PREP: variants seen among roughly 807,000 people sequenced by gnomAD.
PREP encodes dJ355L5.1 (prolyl endopeptidase).
PREP carries 29 observed loss-of-function variants against 87.6 expected under a neutral mutation model. The ratio of observed to expected loss-of-function variants is 0.33; its 90% CI spans 0.25 to 0.45. The LOEUF (loss-of-function observed/expected upper bound fraction) is 0.45. PREP is among the 20% of genes least tolerant of loss of function. The pLI is 1.00. For synonymous variants in PREP, 337 were observed against 328.6 expected (o/e 1.03, Z -0.28); for missense variants, 695 against 886.5 (o/e 0.78, Z 2.74).
chr6:105,374,634 AT>A (rs1772640041), intron 4 of PREP, among the ~76,000 whole-genome samples: 1 of 102 alleles, frequency 9.8e-3, no homozygotes, highest in Non-Finnish European at 0.031. Flanking sequence ...TGAATTGTTT[AT>A]ATATATATAT....
At chr6:105,331,369 T>C (rs1289670274) in intron 8 of PREP, among the ~76,000 whole-genome samples, 1 of 152,206 alleles carries the variant, frequency 6.6e-6, no homozygotes, top group South Asian at 2.1e-4. Flanking sequence ...TAAGATGGGA[T>C]GTCACCTTAA....
At chr6:105,301,879 A>G (rs570541770) in intron 10 of PREP, among the ~76,000 whole-genome samples, 1 of 152,286 alleles carries the variant, frequency 6.6e-6, no homozygotes, top group African/African-American at 2.4e-5. Flanking sequence ...GCCTTTTCCC[A>G]GTCTCAAACT....
intron 2 of PREP, 58 bp downstream of exon 2, chr6:105,397,795 T>G: frequency 1.5e-6 from 2 of 1,313,100 alleles, no homozygotes; most frequent in Non-Finnish European, 2.2e-6. Flanking sequence ...GTTACTGACA[T>G]TTAGAGTTTG....
chr6:105,402,567 T>C (rs929378146), intron 1 of PREP, among the ~76,000 whole-genome samples: 4 of 152,190 alleles, frequency 2.6e-5, no homozygotes, highest in African/African-American at 9.6e-5. Context: ...ACACCCATTC[T>C]ACCCGGGCGT....
In PREP at chr6:105,333,361, T is replaced by C. The variant is rs1300616530; in HGVS notation, c.968A>G (p.Glu323Gly). The change falls in exon 8 of 15, where the codon GAG becomes GGG. Residue 323 changes from glutamate (E) to glycine (G), a missense_variant. Physicochemically the swap from Glu to Gly is moderately conservative, Grantham distance 98. Coordinates refer to ENST00000652536, the MANE Select transcript of PREP (RefSeq NM_002726.5). ...AGGAACAAGTACTTTCCACTTAGAC[T>C]CTTCAGGATCCCTGAAGTCAATGTT... is the stretch of plus-strand genomic sequence containing the variant. ...VINIDFRDPE[E>G]SKWKVLVPEH... 1 of 1,614,158 alleles carries C rather than the reference T, an allele frequency of 6.2e-7. No individual in the cohort carries two copies.
chr6:105,335,002 A>G (rs1771443114), intron 7 of PREP, among the ~76,000 whole-genome samples: 1 of 152,230 alleles, frequency 6.6e-6, no homozygotes, highest in African/African-American at 2.4e-5. Flanking sequence ...TGAAACATAC[A>G]AAATAAAACT....
intron 9 of PREP, 52 bp downstream of exon 9, chr6:105,328,777 C>T: frequency 6.3e-7 from 1 of 1,583,818 alleles, no homozygotes; most frequent in South Asian, 1.1e-5. Flanking sequence ...CAAAGAAACC[C>T]AAACACCAGT....
At chr6:105,333,162 T>C in intron 8 of PREP, 152 bp downstream of exon 8, 2 of 678,192 alleles carry the variant, frequency 2.9e-6, no homozygotes, top group South Asian at 2.1e-5. Flanking sequence ...CAATGAAAAC[T>C]TGGATGAACT....
At position 105,402,970 on chromosome 6, in the gene PREP, G is replaced by T; in HGVS notation, c.-79C>A. ...CTGAGCTAGCCGGGCTGGCCGCGAG[G>T]CGCGGCTGGGGCGCAGGCAGCTGCG... On this transcript the variant is annotated 5_prime_UTR_variant, in exon 1 of 15. Coordinates refer to ENST00000652536, the MANE Select transcript of PREP (RefSeq NM_002726.5). The T allele has an allele frequency of 1.3e-6, 1 of 782,702 alleles. No homozygotes were observed. Among genetic ancestry groups the T allele is most frequent in the Non-Finnish European group, 1.8e-6 (1 of 562,892 alleles). 48.5% of individuals were successfully genotyped at this position (782,702 alleles called of 1,614,324 possible). A position where few individuals can be genotyped will look rare whatever the true frequency, so the allele number is the denominator to read the frequency against.
intron 10 of PREP, among the ~76,000 whole-genome samples, chr6:105,318,900 T>C (rs560577950): frequency 1.3e-5 from 2 of 152,214 alleles, no homozygotes; most frequent in Non-Finnish European, 2.9e-5. Flanking sequence ...AAGCTGCATG[T>C]GTCATGAACT....
At chr6:105,382,772 T>A (rs921683883) in intron 2 of PREP, among the ~76,000 whole-genome samples, 6 of 152,116 alleles carry the variant, frequency 3.9e-5, no homozygotes, top group African/African-American at 1.4e-4. Flanking sequence ...AGGAGGGACT[T>A]CCAGGTAGAG....
chr6:105,386,144 T>G (rs1309664888), intron 2 of PREP, among the ~76,000 whole-genome samples: 1 of 152,160 alleles, frequency 6.6e-6, no homozygotes, highest in East Asian at 1.9e-4. Context: ...AAAACCAACA[T>G]GACCAATGTC....
intron 6 of PREP, among the ~76,000 whole-genome samples, chr6:105,358,418 TAAAAG>T (rs1191153962): frequency 6.6e-6 from 1 of 152,156 alleles, no homozygotes; most frequent in Non-Finnish European, 1.5e-5. Context: ...TAGAAAATAT[TAAAAG>T]AGAAGAAAGT....
chr6:105,308,084 C>G (rs1770689741), intron 10 of PREP, among the ~76,000 whole-genome samples: 1 of 151,890 alleles, frequency 6.6e-6, no homozygotes, highest in South Asian at 2.1e-4. Context: ...CAAGACATTA[C>G]AAGAAACACA....
At chr6:105,342,395 A>C (rs1345404997) in intron 7 of PREP, among the ~76,000 whole-genome samples, 1 of 152,198 alleles carries the variant, frequency 6.6e-6, no homozygotes, top group Non-Finnish European at 1.5e-5. Context: ...AAATAATAAG[A>C]GCTATTTATG....
In PREP at chr6:105,337,250, T is replaced by G. The variant is rs115649819; in HGVS notation, c.824-3745A>C. ...TGAACTGCTGATTTTCCTTGAAACATTATTTGTGGAAATTCTTGGAGGCCT... is the reference window on the plus strand; with the variant it reads ...TGAACTGCTGATTTTCCTTGAAACAGTATTTGTGGAAATTCTTGGAGGCCT... On this transcript the variant is annotated intron_variant, in intron 7 of 14. Transcript: ENST00000652536. Among the ~76,000 whole-genome samples the G allele has an allele frequency of 1.3e-3, 197 of 152,316 alleles. 1 individual carries two copies. Among genetic ancestry groups the G allele is most frequent in the African/African-American group, 4.5e-3 (189 of 41,568 alleles).
intron 10 of PREP, among the ~76,000 whole-genome samples, chr6:105,307,020 T>C (rs1770670925): frequency 6.6e-6 from 1 of 152,210 alleles, no homozygotes; most frequent in Non-Finnish European, 1.5e-5. Context: ...CTTACAAACA[T>C]TTGGAAAGCT....
intron 2 of PREP, among the ~76,000 whole-genome samples, chr6:105,379,690 TGG>T (rs1772786014): frequency 6.6e-6 from 1 of 152,198 alleles, no homozygotes; most frequent in Non-Finnish European, 1.5e-5. Flanking sequence ...TGGGCTGTGC[TGG>T]GTAGGAACAT....
At chr6:105,315,577 C>CCTTTGGAA (rs978122432) in intron 10 of PREP, among the ~76,000 whole-genome samples, 1 of 152,166 alleles carries the variant, frequency 6.6e-6, no homozygotes, top group African/African-American at 2.4e-5. Context: ...ATCAACCTGT[C>CCTTTGGAA]CTTTGGAACT....
Sources: gnomAD v4.1 joint callset for allele counts (sites outside exome capture counted in the v4.1 genomes callset) on GRCh38, gnomAD v4.1.1 for gene constraint, MANE v1.5 for transcripts, NCBI Gene and HGNC (gene_info 2026-07-23, HGNC 2026-07-21) for gene names.